SLC9A4: variants seen among roughly 807,000 people sequenced by gnomAD.
The protein encoded by SLC9A4 is solute carrier family 9 member A4, also known as sodium/hydrogen exchanger 4.
SLC9A4 carries 63 observed loss-of-function variants against 67.4 expected under a neutral mutation model. The ratio of observed to expected loss-of-function variants is 0.93; its 90% CI spans 0.76 to 1.15. The LOEUF is 1.15. Among genes scored for constraint, SLC9A4 ranks in the 50% most tolerant of loss-of-function variants. SLC9A4 has a pLI of 0.00. For synonymous variants in SLC9A4, 393 were observed against 367.2 expected (o/e 1.07, Z -0.80); for missense variants, 1,089 against 987.7 (o/e 1.10, Z -1.38).
chr2:102,493,665 A>G (rs561732600), intron 2 of SLC9A4, among the ~76,000 whole-genome samples: 2 of 151,796 alleles, frequency 1.3e-5, no homozygotes, highest in South Asian at 2.1e-4. Flanking sequence ...AAACCATATC[A>G]CCACTCCAGT....
intron 11 of SLC9A4, among the ~76,000 whole-genome samples, chr2:102,527,627 A>G (rs1269316170): frequency 1.3e-5 from 2 of 152,210 alleles, no homozygotes; most frequent in Non-Finnish European, 2.9e-5. Flanking sequence ...AAATTCATAT[A>G]GATTTAAATT....
chr2:102,510,941 T>C (rs903500413), intron 6 of SLC9A4, among the ~76,000 whole-genome samples: 1 of 152,178 alleles, frequency 6.6e-6, no homozygotes, highest in Non-Finnish European at 1.5e-5. Context: ...TCTGAAGGGT[T>C]ATAGGTGGAG....
At chr2:102,510,135 G>A (rs1347461380) in intron 6 of SLC9A4, among the ~76,000 whole-genome samples, 1 of 151,806 alleles carries the variant, frequency 6.6e-6, no homozygotes, top group Non-Finnish European at 1.5e-5. Context: ...GTCCAAGCTG[G>A]TGATGTTTCC....
intron 8 of SLC9A4, 90 bp downstream of exon 8, chr2:102,514,341 G>A: frequency 1.3e-6 from 1 of 788,854 alleles, no homozygotes; most frequent in Non-Finnish European, 1.9e-6. Context: ...TATACGAGGA[G>A]TAAAGAGGCA....
At chr2:102,513,004 G>T (rs1685197290) in intron 7 of SLC9A4, among the ~76,000 whole-genome samples, 1 of 152,160 alleles carries the variant, frequency 6.6e-6, no homozygotes, top group Non-Finnish European at 1.5e-5. Context: ...AGCACGTCAG[G>T]AGACACAAAG....
chr2:102,481,566 C>T (rs1268642146), intron 2 of SLC9A4, among the ~76,000 whole-genome samples: 1 of 151,978 alleles, frequency 6.6e-6, no homozygotes, highest in Admixed American at 6.6e-5. Flanking sequence ...TTTTTATATG[C>T]AAATGTTGCG....
intron 3 of SLC9A4, 40 bp from the exon 4 acceptor site, chr2:102,505,210 GGAAA>G (rs773764562): frequency 1.2e-5 from 19 of 1,582,736 alleles, no homozygotes; most frequent in Middle Eastern, 1.7e-4. Context: ...TTGTGGAGGG[GGAAA>G]ACCTCATGGA....
intron 10 of SLC9A4, among the ~76,000 whole-genome samples, chr2:102,526,023 G>C (rs1164011236): frequency 6.6e-6 from 1 of 152,052 alleles, no homozygotes; most frequent in African/African-American, 2.4e-5. Flanking sequence ...GAGTAGCTGG[G>C]ATTACAGGTG....
At position 102,498,866 on chromosome 2, in the gene SLC9A4, C is replaced by G. The variant is rs1273574084; in HGVS notation, c.721-4582C>G. Among the ~76,000 whole-genome samples the G allele has an allele frequency of 2.0e-5, 3 of 152,058 alleles. No homozygotes were observed. In the East Asian group the frequency reaches 5.8e-4, roughly 29 times the overall value. ...AAGTGTGATTGATACACAAACAGAC[C>G]AATAGATGTTGTCCAGGTCCTTCAT... On this transcript the variant is annotated intron_variant, in intron 2 of 11. Transcript: ENST00000295269.
At chr2:102,514,588 A>G (rs1240035653) in intron 8 of SLC9A4, among the ~76,000 whole-genome samples, 2 of 152,168 alleles carry the variant, frequency 1.3e-5, no homozygotes, top group African/African-American at 2.4e-5. Context: ...CGTGCATGTG[A>G]TTCTGTCCTT....
intron 2 of SLC9A4, among the ~76,000 whole-genome samples, chr2:102,491,894 C>G (rs1684710138): frequency 6.6e-6 from 1 of 152,196 alleles, no homozygotes; most frequent in African/African-American, 2.4e-5. Context: ...TTCCTAGATA[C>G]AGTGGGGGTA....
At chr2:102,479,442 C>T (rs372275224) in intron 2 of SLC9A4, 140 bp downstream of exon 2, 47 of 887,034 alleles carry the variant, frequency 5.3e-5, no homozygotes, top group Admixed American at 2.0e-4. Context: ...CGGTGTGGTC[C>T]GAGTTCTGGT....
intron 4 of SLC9A4, among the ~76,000 whole-genome samples, chr2:102,507,621 T>C (rs1685076751): frequency 6.6e-6 from 1 of 152,092 alleles, no homozygotes; most frequent in African/African-American, 2.4e-5. Context: ...CCACGGTCTC[T>C]AAGAGGACCC....
intron 2 of SLC9A4, among the ~76,000 whole-genome samples, chr2:102,492,956 CA>C (rs1684734381): frequency 6.6e-6 from 1 of 152,150 alleles, no homozygotes; most frequent in African/African-American, 2.4e-5. Flanking sequence ...AAAGCAGGGG[CA>C]AAATGCTGCC....
intron 2 of SLC9A4, among the ~76,000 whole-genome samples, chr2:102,490,109 A>C (rs866646347): frequency 1.5e-4 from 22 of 147,250 alleles, no homozygotes; most frequent in African/African-American, 5.5e-4. Context: ...TTTTTTTTTT[A>C]ACTTGACAGT....
intron 6 of SLC9A4, among the ~76,000 whole-genome samples, chr2:102,510,278 T>TAC (rs60613081): frequency 0.21 from 11,419 of 53,696 alleles, 488 homozygotes; most frequent in Non-Finnish European, 0.28. Context: ...GATACAGATA[T>TAC]AGATATAGAT....
At chr2:102,501,274 A>G (rs1684934221) in intron 2 of SLC9A4, among the ~76,000 whole-genome samples, 1 of 113,252 alleles carries the variant, frequency 8.8e-6, no homozygotes, top group African/African-American at 3.4e-5. Context: ...AGCACATGCC[A>G]CCATGGCTGG....
At chr2:102,479,500 G>A (rs554971138) in intron 2 of SLC9A4, among the ~76,000 whole-genome samples, 198 bp downstream of exon 2, 1 of 152,296 alleles carries the variant, frequency 6.6e-6, no homozygotes, top group Admixed American at 6.5e-5. Flanking sequence ...CACTCACACT[G>A]CTTGTCATTC....
chr2:102,520,448 A>G (rs549018210), intron 9 of SLC9A4, among the ~76,000 whole-genome samples: 1 of 152,316 alleles, frequency 6.6e-6, no homozygotes, highest in Admixed American at 6.5e-5. Flanking sequence ...ACTAGGTATG[A>G]AATCTCTACT....
Sources: allele counts gnomAD v4.1 joint callset (sites outside exome capture counted in the v4.1 genomes callset), GRCh38; gene constraint gnomAD v4.1.1; transcripts MANE v1.5; gene names NCBI Gene and HGNC (gene_info 2026-07-23, HGNC 2026-07-21).